The following PIF1 variants were observed in gnomAD, a reference collection of about 807,000 sequenced individuals.
PIF1 encodes the protein PIF1 5'-to-3' DNA helicase, also known as ATP-dependent DNA helicase PIF1.
PIF1 carries 67 observed loss-of-function variants against 62.3 expected under a neutral mutation model. That is an observed-to-expected ratio of 1.08 (90% CI 0.88 to 1.32). The LOEUF (loss-of-function observed/expected upper bound fraction) is 1.32. Ranked by LOEUF, PIF1 falls within the 40% of genes most tolerant of loss-of-function variation. The pLI, the probability that PIF1 is intolerant of heterozygous loss-of-function variation, is 0.00. For synonymous variants in PIF1, 364 were observed against 379.5 expected (o/e 0.96, Z 0.47); for missense variants, 886 against 866.1 (o/e 1.02, Z -0.29).
chr15:64,817,903 T>A, intron 11 of PIF1, 43 bp downstream of exon 11: 1 of 1,576,082 alleles, frequency 6.3e-7, no homozygotes, highest in Non-Finnish European at 8.6e-7. Flanking sequence ...ATGCCTGACC[T>A]CCCTCTGCCC....
At chr15:64,816,845 T>C in intron 11 of PIF1, 80 bp from the exon 12 acceptor site, 3 of 1,302,520 alleles carry the variant, frequency 2.3e-6, no homozygotes, top group South Asian at 3.1e-5. Context: ...TTACCAGCCC[T>C]GCTACTGCCC....
chr15:64,822,364 C>A lies in PIF1; in HGVS notation c.719G>T (p.Arg240Leu). 1 of 1,614,040 alleles carries A rather than the reference C, an allele frequency of 6.2e-7. No homozygotes were observed. Among genetic ancestry groups the A allele is most frequent in the Non-Finnish European group, 8.5e-7 (1 of 1,179,980 alleles). Residue 240 changes from arginine to leucine, a missense_variant, in exon 4 of 13, where the codon CGA becomes CTA. Arg to Leu is a moderately radical substitution (Grantham distance 102, BLOSUM62 -2). Coordinates refer to ENST00000559239, the MANE Select transcript of PIF1 (RefSeq NM_001286496.2). The part of the protein sequence containing the change: ...AGTGKSYLLK[R>L]ILGSLPPTGT... The stretch of plus-strand genomic sequence containing the variant: ...TGTGGGGGGCAGTGAGCCCAGGATT[C>A]GCTTTAGCAGATATGACTTCCCTGT...
intron 7 of PIF1, among the ~76,000 whole-genome samples, chr15:64,820,217 C>A (rs1179335919): frequency 6.6e-6 from 1 of 152,180 alleles, no homozygotes; most frequent in Non-Finnish European, 1.5e-5. Flanking sequence ...CATGTGGGCA[C>A]CCTTCCCTGT....
rs1361422265 is a variant in PIF1 at position 64,818,358 on chromosome 15, A to G, written c.1441-14T>C. 1 of 1,613,216 alleles carries G rather than the reference A, an allele frequency of 6.2e-7. No homozygotes were observed. The highest frequency in any genetic ancestry group is 8.5e-7 in the Non-Finnish European group (1 of 1,179,474). ...CACCAGCATCACCTGCAAGGGAGAG[A>G]GAGGAATGGACAGCAGCCCCCCTAC... On this transcript the variant is annotated splice_polypyrimidine_tract_variant and intron_variant, in intron 9 of 12. Coordinates refer to ENST00000559239, the MANE Select transcript of PIF1 (RefSeq NM_001286496.2).
intron 7 of PIF1, among the ~76,000 whole-genome samples, chr15:64,820,341 T>C (rs1183618609): frequency 1.3e-5 from 2 of 152,184 alleles, no homozygotes; most frequent in Admixed American, 6.5e-5. Flanking sequence ...GCCTCCAGGG[T>C]ACAATCTTCT....
intron 1 of PIF1, 67 bp downstream of exon 1, chr15:64,825,502 G>A (rs1305691175): frequency 6.6e-6 from 1 of 152,102 alleles, no homozygotes; most frequent in Non-Finnish European, 1.5e-5. Context: ...TGCTCCCTCA[G>A]GCTGACCCAT....
In PIF1 at chr15:64,815,675, C is replaced by A. The variant is rs1241375655; in HGVS notation, c.*623G>T. ...GTTTATTTGTCCGAAATAAATACAACCTGAGAACATCCATTTCAATGTCCC... is the reference window on the plus strand; with the variant it reads ...GTTTATTTGTCCGAAATAAATACAAACTGAGAACATCCATTTCAATGTCCC... On this transcript the variant is annotated 3_prime_UTR_variant, in exon 13 of 13. Transcript: ENST00000559239. 1.3e-6 allele frequency: 2 copies of A among 1,541,136 alleles called. No individual in the cohort carries two copies. The highest frequency in any genetic ancestry group is 2.4e-5 in the East Asian group (1 of 40,836).
rs1219543051 is a variant in PIF1 at position 64,818,324 on chromosome 15, T to A, written c.1461A>T (p.Leu487Phe). ...CATTCACCAGGCCCCGAGACACCGA[T>A]AAGTTTTTCACCAGCATCACCTGCA... ...LGAQVMLVKNLSVSRGLVNGA... is the reference protein window; with the variant it reads ...LGAQVMLVKNFSVSRGLVNGA... The change falls in exon 10 of 13, where the codon TTA (leucine) becomes TTT (phenylalanine). Residue 487 changes from leucine to phenylalanine, a missense_variant. Leu to Phe is a conservative substitution (Grantham distance 22, BLOSUM62 0). Coordinates refer to ENST00000559239, the MANE Select transcript of PIF1 (RefSeq NM_001286496.2). 3.7e-6 allele frequency: 6 copies of A among 1,613,868 alleles called. No individual in the cohort carries two copies. Among genetic ancestry groups the A allele is most frequent in the Non-Finnish European group, 5.1e-6 (6 of 1,179,940 alleles).
At chr15:64,824,843 C>T (rs2084345036) in intron 1 of PIF1, among the ~76,000 whole-genome samples, 1 of 146,808 alleles carries the variant, frequency 6.8e-6, no homozygotes, top group African/African-American at 2.5e-5. Flanking sequence ...CATATAAATA[C>T]ATACATATGC....
In PIF1 at chr15:64,820,983, T is replaced by C. The variant is rs149169384; in HGVS notation, c.1192A>G (p.Arg398Gly). The C allele has an allele frequency of 4.5e-5, 72 of 1,613,528 alleles. No individual in the cohort carries two copies. The highest frequency in any genetic ancestry group is 5.9e-5 in the Non-Finnish European group (70 of 1,179,734). The change falls in exon 7 of 13, where the codon AGG (arginine) becomes GGG (glycine). Residue 398 changes from arginine (R) to glycine (G), a missense_variant and splice_region_variant. Arg to Gly is a moderately radical substitution (Grantham distance 125). Transcript: ENST00000559239. ...CCTTCCCCAACCAGCAGAGCTCACC[T>C]GCCTAGCCTCACGGCCTGCAGTAGA... is the stretch of plus-strand genomic sequence containing the variant. The part of the protein sequence containing the change: ...ISLLQAVRLG[R>G]CSDEVTRQLQ...
chr15:64,821,251 T>G lies in PIF1; in HGVS notation c.1002A>C (p.Gly334=). ...CCCCACAGATGATGAGCTGGATCCC[T>G]CCGAATGGCTTGTTCTGCTGCCGGA... is the stretch of plus-strand genomic sequence containing the variant. ...RAVRQQNKPF[G]GIQLIICGDF... The change falls in exon 6 of 13, where the codon GGA becomes GGC. Residue 334 remains glycine (G), a synonymous_variant. Coordinates refer to ENST00000559239, the MANE Select transcript of PIF1 (RefSeq NM_001286496.2). 1 of 1,614,252 alleles carries G rather than the reference T, an allele frequency of 6.2e-7. No individual in the cohort carries two copies. The highest frequency in any genetic ancestry group is 8.5e-7 in the Non-Finnish European group (1 of 1,180,046).
intron 2 of PIF1, among the ~76,000 whole-genome samples, chr15:64,822,912 C>T (rs549457525): frequency 2.0e-5 from 3 of 152,212 alleles, no homozygotes; most frequent in East Asian, 3.9e-4. Context: ...AAGTTTCCTT[C>T]CTGTCACCTA....
rs2084176870 is a variant in PIF1, at chr15:64,816,119, T to C, written c.*179A>G. On this transcript the variant is annotated 3_prime_UTR_variant, in exon 13 of 13. Transcript: ENST00000559239. ...AAAGTGAGAGAAACTGAAGCACAGCTGGTATATGGGTTTAAAGTACTCTCC... is the reference window on the plus strand; with the variant it reads ...AAAGTGAGAGAAACTGAAGCACAGCCGGTATATGGGTTTAAAGTACTCTCC... The C allele has an allele frequency of 1.4e-6, 2 of 1,456,434 alleles. No homozygotes were observed. The highest frequency in any genetic ancestry group is 1.4e-5 in the African/African-American group (1 of 70,152). 90.2% of individuals were successfully genotyped at this position (1,456,434 alleles called of 1,614,324 possible).
rs747907363 is a variant in PIF1, at chr15:64,816,602, G to A, written c.1838C>T (p.Thr613Ile). Reference sequence around the variant, plus strand: ...ACTGAGGCTCCTGCCCCGCCGCAGGGTGGCATAGAAGTGCAGCACACGGGG... The same window carrying A: ...ACTGAGGCTCCTGCCCCGCCGCAGGATGGCATAGAAGTGCAGCACACGGGG... ...CDPRVLHFYA[T>I]LRRGRSLSLE... is the part of the protein sequence containing the mutation. The change falls in exon 12 of 13, where the codon ACC (threonine) becomes ATC (isoleucine). Residue 613 changes from threonine (T) to isoleucine (I), a missense_variant. Coordinates refer to ENST00000559239, the MANE Select transcript of PIF1 (RefSeq NM_001286496.2). The A allele has an allele frequency of 6.8e-6, 11 of 1,613,668 alleles. No individual in the cohort carries two copies. In the Admixed American group the frequency reaches 1.7e-4, roughly 25 times the overall value.
chr15:64,815,742 G>C lies in PIF1; in HGVS notation c.*556C>G. 1 of 1,550,574 alleles carries C rather than the reference G, an allele frequency of 6.4e-7. No homozygotes were observed. Among genetic ancestry groups the C allele is most frequent in the Middle Eastern group, 1.7e-4 (1 of 5,992 alleles). On this transcript the variant is annotated 3_prime_UTR_variant, in exon 13 of 13. Transcript: ENST00000559239. ...CCTGAAAAAGCAGCTTAAAATATGG[G>C]TGCACATTTTGCAGCTTATGTTCTT...
intron 2 of PIF1, 109 bp from the exon 3 acceptor site, chr15:64,822,719 G>A: frequency 4.1e-6 from 6 of 1,475,894 alleles, no homozygotes; most frequent in Non-Finnish European, 5.5e-6. Context: ...GTCCTCTACT[G>A]CCTTCATTCC....
Position 64,816,562 on chromosome 15 carries a change from A to T in PIF1, c.1866+12T>A. On this transcript the variant is annotated intron_variant, in intron 12 of 12. Transcript: ENST00000559239. ...CGTGGCCACAGCCCACCACTGGATGACTCCCTCTTACCAGACTGAGGCTCC... is the reference window on the plus strand; with the variant it reads ...CGTGGCCACAGCCCACCACTGGATGTCTCCCTCTTACCAGACTGAGGCTCC... 6.2e-7 allele frequency: 1 copy of T among 1,611,884 alleles called. No individual in the cohort carries two copies. Among genetic ancestry groups the T allele is most frequent in the Non-Finnish European group, 8.5e-7 (1 of 1,179,398 alleles).
Position 64,819,197 on chromosome 15 carries a change from C to T in PIF1, c.1360G>A (p.Asp454Asn), listed in dbSNP as rs1239692299. 2.5e-6 allele frequency: 4 copies of T among 1,605,058 alleles called. No homozygotes were observed. In the African/African-American group the frequency reaches 4.0e-5, roughly 16 times the overall value. ...GTACTGGCCAGCTCAGGGTTGCTGT[C>T]CATAGCCTCAAATCTGTGTACCTTA... The part of the protein sequence containing the change: ...PGKVHRFEAM[D>N]SNPELASTLD... The change falls in exon 9 of 13, where the codon GAC becomes AAC. Residue 454 changes from aspartate to asparagine, a missense_variant. Coordinates refer to ENST00000559239, the MANE Select transcript of PIF1 (RefSeq NM_001286496.2).
intron 1 of PIF1, among the ~76,000 whole-genome samples, chr15:64,824,570 G>T (rs1428032142): frequency 6.6e-6 from 1 of 152,138 alleles, no homozygotes; most frequent in Non-Finnish European, 1.5e-5. Context: ...CCCTGGGCCG[G>T]GCGCAGTGGC....
Sources: gnomAD v4.1 joint callset for allele counts (sites outside exome capture counted in the v4.1 genomes callset) on GRCh38, gnomAD v4.1.1 for gene constraint, MANE v1.5 for transcripts, NCBI Gene and HGNC (gene_info 2026-07-23, HGNC 2026-07-21) for gene names.